The following RYK variants were observed in gnomAD, a reference collection of about 807,000 sequenced individuals.
The protein encoded by RYK is receptor like tyrosine kinase.
A neutral mutation model predicts 70.2 loss-of-function variants in RYK; 21 were observed. That is an observed-to-expected ratio of 0.30 (90% CI 0.21 to 0.43). RYK has a LOEUF of 0.43. Among genes scored for constraint, RYK ranks in the 20% least tolerant of loss-of-function variants. The pLI is 1.00. For missense variants in RYK, 604 were observed against 753.3 expected (o/e 0.80, Z 2.32); for synonymous variants, 267 against 278.0 (o/e 0.96, Z 0.39).
chr3:134,197,863 A>G (rs1324852593), intron 6 of RYK, among the ~76,000 whole-genome samples: 1 of 152,218 alleles, frequency 6.6e-6, no homozygotes, highest in Admixed American at 6.5e-5. Context: ...AGTAGGTGGC[A>G]CTCTTGTGCT....
At chr3:134,233,317 G>A (rs2015111779) in intron 1 of RYK, among the ~76,000 whole-genome samples, 1 of 152,148 alleles carries the variant, frequency 6.6e-6, no homozygotes, top group South Asian at 2.1e-4. Context: ...AACTTGAAGG[G>A]TTTTTATGGA....
chr3:134,157,312 T>C lies in RYK; in HGVS notation c.*841A>G, dbSNP rs2012277790. 1 of 152,482 alleles carries C rather than the reference T, an allele frequency of 6.6e-6. No homozygotes were observed. Among genetic ancestry groups the C allele is most frequent in the Non-Finnish European group, 1.5e-5 (1 of 68,050 alleles). The allele number at this position is 152,482 out of a possible 1,614,324, so 9.4% of individuals were successfully genotyped here. A position where few individuals can be genotyped will look rare whatever the true frequency, so the allele number is the denominator to read the frequency against. ...TTCTAGGTGCAATAAAAGGGAATCT[T>C]AACCTTAGAAATATGAGTTCACTTT... On this transcript the variant is annotated 3_prime_UTR_variant, in exon 15 of 15. Transcript: ENST00000623711.
chr3:134,233,151 T>C (rs1334935225), intron 1 of RYK, among the ~76,000 whole-genome samples: 2 of 152,218 alleles, frequency 1.3e-5, no homozygotes, highest in African/African-American at 4.8e-5. Context: ...TGAGGCAACA[T>C]AAGCCATGCT....
At chr3:134,185,824 A>G (rs1186082020) in intron 9 of RYK, among the ~76,000 whole-genome samples, 1 of 152,266 alleles carries the variant, frequency 6.6e-6, no homozygotes, top group Non-Finnish European at 1.5e-5. Context: ...GTCATTTTAT[A>G]CTTACTTTTT....
At chr3:134,201,466 AAAGGT>A (rs2014016826) in intron 6 of RYK, among the ~76,000 whole-genome samples, 1 of 152,230 alleles carries the variant, frequency 6.6e-6, no homozygotes, top group Non-Finnish European at 1.5e-5. Context: ...CTTACATTCT[AAAGGT>A]AAGACAATTA....
intron 6 of RYK, among the ~76,000 whole-genome samples, chr3:134,198,600 G>GC (rs2013888741): frequency 6.6e-6 from 1 of 152,178 alleles, no homozygotes; most frequent in Non-Finnish European, 1.5e-5. Flanking sequence ...AGCCGCAAGT[G>GC]GGCCAGAGTG....
intron 5 of RYK, among the ~76,000 whole-genome samples, chr3:134,205,203 A>T (rs1308530091): frequency 6.6e-6 from 1 of 152,166 alleles, no homozygotes; most frequent in Non-Finnish European, 1.5e-5. Flanking sequence ...CTAACTAGGT[A>T]CCTCATATCT....
Position 134,250,592 on chromosome 3 carries a change from C to T in RYK, c.63G>A (p.Leu21=), listed in dbSNP as rs1343331587. ...GCAGCGGCGGCGGCGGCGGGGCCCTCAGGCCGCGGGCCCCCGGGAGGCAAC... is the reference window on the plus strand; with the variant it reads ...GCAGCGGCGGCGGCGGCGGGGCCCTTAGGCCGCGGGCCCCCGGGAGGCAAC... ...GRSCLPGARG[L]RAPPPPPLLL... is the part of the protein sequence containing the mutation. Residue 21 remains leucine, a synonymous_variant, in exon 1 of 15, where the codon CTG becomes CTA. Coordinates refer to ENST00000623711, the MANE Select transcript of RYK (RefSeq NM_002958.4). 16 of 1,076,428 alleles carry T rather than the reference C, an allele frequency of 1.5e-5. No homozygotes were observed. The South Asian group carries it at 1.8e-4, about 12-fold the overall frequency. The allele number at this position is 1,076,428 out of a possible 1,614,324, so 66.7% of individuals were successfully genotyped here.
chr3:134,211,422 T>G (rs1441266500), intron 3 of RYK, 86 bp downstream of exon 3: 1 of 821,586 alleles, frequency 1.2e-6, no homozygotes, highest in Non-Finnish European at 2.0e-6. Context: ...TAATACACAC[T>G]ACACATCAGT....
At chr3:134,211,753 G>A in intron 2 of RYK, 146 bp from the exon 3 acceptor site, 1 of 617,142 alleles carries the variant, frequency 1.6e-6, no homozygotes, top group East Asian at 2.8e-5. Flanking sequence ...CAAATTGTCA[G>A]AAACAGTCCT....
chr3:134,215,914 TGCTACTCG>T (rs2014536416), intron 2 of RYK, among the ~76,000 whole-genome samples: 1 of 151,882 alleles, frequency 6.6e-6, no homozygotes, highest in Non-Finnish European at 1.5e-5. Flanking sequence ...GGTGGGCACA[TGCTACTCG>T]GCTACTCGGA....
rs998805037 is a variant in RYK, at chr3:134,157,570, T to C, written c.*583A>G. The C allele has an allele frequency of 6.6e-6, 1 of 152,298 alleles. No individual in the cohort carries two copies. The highest frequency in any genetic ancestry group is 1.5e-5 in the Non-Finnish European group (1 of 68,046). 9.4% of individuals were successfully genotyped at this position (152,298 alleles called of 1,614,324 possible). On this transcript the variant is annotated 3_prime_UTR_variant, in exon 15 of 15. Transcript: ENST00000623711. ...GCAGTTTGCTTCTAATAAGTATTTT[T>C]AAAAAAATTTTTTTTTCCTCTAGCT...
chr3:134,197,888 G>T (rs889652852), intron 6 of RYK, among the ~76,000 whole-genome samples: 1 of 152,182 alleles, frequency 6.6e-6, no homozygotes, highest in African/African-American at 2.4e-5. Flanking sequence ...CAGAATTTTT[G>T]AAAAGACTGT....
rs144378986 is a variant in RYK, at chr3:134,175,665, G to A, written c.1519C>T (p.Arg507Cys). ...ACCAGACTTTCAAGAGCCATCCAAC[G>A]AACTGGCCTGTTTTCATTGTCCCCC... ...CLGDNENRPV[R>C]WMALESLVNN... The change falls in exon 13 of 15, where the codon CGT (arginine) becomes TGT (cysteine). Residue 507 changes from arginine to cysteine, a missense_variant. Physicochemically the swap from Arg to Cys is radical, Grantham distance 180 (BLOSUM62 -3). Coordinates refer to ENST00000623711, the MANE Select transcript of RYK (RefSeq NM_002958.4). The A allele has an allele frequency of 1.2e-5, 19 of 1,613,936 alleles. No individual in the cohort carries two copies. The African/African-American group carries it at 1.7e-4, about 15-fold the overall frequency.
At chr3:134,250,346 C>G in intron 1 of RYK, 77 bp downstream of exon 1, 1 of 929,854 alleles carries the variant, frequency 1.1e-6, no homozygotes, top group Non-Finnish European at 1.4e-6. Flanking sequence ...CCACGGCTCG[C>G]AGACTGATCC....
intron 1 of RYK, among the ~76,000 whole-genome samples, chr3:134,230,226 A>G (rs1175331752): frequency 3.9e-5 from 6 of 152,178 alleles, no homozygotes; most frequent in Non-Finnish European, 7.3e-5. Flanking sequence ...AGCTGGGATT[A>G]TGGGCACCTG....
intron 4 of RYK, among the ~76,000 whole-genome samples, chr3:134,208,044 G>A (rs944585803): frequency 2.6e-5 from 4 of 152,210 alleles, no homozygotes; most frequent in Non-Finnish European, 4.4e-5. Context: ...GCCTGAACTG[G>A]ATGACTAGGG....
At position 134,158,128 on chromosome 3, in the gene RYK, C is replaced by T; in HGVS notation, c.*25G>A. ...GTGAGCCCCGACAGGCACCTTCTTC[C>T]TGATGGTGTGGGATTGGAGAGGAGT... On this transcript the variant is annotated 3_prime_UTR_variant, in exon 15 of 15. Coordinates refer to ENST00000623711, the MANE Select transcript of RYK (RefSeq NM_002958.4). 1.5e-6 allele frequency: 2 copies of T among 1,335,956 alleles called. No homozygotes were observed. The highest frequency in any genetic ancestry group is 1.5e-5 in the African/African-American group (1 of 67,964). The allele number at this position is 1,335,956 out of a possible 1,614,324, so 82.8% of individuals were successfully genotyped here. A position where few individuals can be genotyped will look rare whatever the true frequency, so the allele number is the denominator to read the frequency against.
intron 1 of RYK, among the ~76,000 whole-genome samples, chr3:134,226,002 A>T (rs1044210431): frequency 2.6e-5 from 4 of 152,170 alleles, no homozygotes; most frequent in African/African-American, 7.2e-5. Context: ...AAATTTTTTT[A>T]AAATATAAAA....
Sources: gnomAD v4.1 joint callset for allele counts (sites outside exome capture counted in the v4.1 genomes callset) on GRCh38, gnomAD v4.1.1 for gene constraint, MANE v1.5 for transcripts, NCBI Gene and HGNC (gene_info 2026-07-23, HGNC 2026-07-21) for gene names.